Variants in C19orf25 observed in about 807,000 individuals in gnomAD.
C19orf25 encodes the protein UPF0449 protein C19orf25.
A neutral mutation model predicts 3.1 loss-of-function variants in C19orf25; 1 was observed. That is an observed-to-expected ratio of 0.32 (90% CI 0.12 to 1.54). The LOEUF is 1.54. Ranked by LOEUF, C19orf25 falls within the 40% of genes most tolerant of loss-of-function variation. C19orf25 has a pLI of 0.38. For missense variants in C19orf25, 196 were observed against 160.4 expected (o/e 1.22, Z -1.20); for synonymous variants, 91 against 74.3 (o/e 1.23, Z -1.16).
intron 1 of C19orf25, 81 bp from the exon 2 acceptor site, chr19:1,478,986 C>A (rs1477049129): frequency 2.1e-6 from 3 of 1,440,458 alleles, no homozygotes; most frequent in Non-Finnish European, 2.7e-6. Flanking sequence ...CCAGCGAACT[C>A]GTACGCACCC....
At position 1,478,919 on chromosome 19, in the gene C19orf25, A is replaced by AG; in HGVS notation, c.-2-15dup. 1 of 1,581,952 alleles carries AG rather than the reference A, an allele frequency of 6.3e-7. No homozygotes were observed. Among genetic ancestry groups the AG allele is most frequent in the South Asian group, 1.1e-5 (1 of 87,806 alleles). On this transcript the variant is annotated splice_polypyrimidine_tract_variant and intron_variant, in intron 1 of 2. Coordinates refer to ENST00000585675, the MANE Select transcript of C19orf25 (RefSeq NM_152482.3). ...TGGAGCCCATCTCTGAAGGCGGGGAAGGGGGCGCTGACCGGGGCGTCCACC... is the reference window on the plus strand; with the variant it reads ...TGGAGCCCATCTCTGAAGGCGGGGAAGGGGGGCGCTGACCGGGGCGTCCACC...
chr19:1,476,823 C>T (rs917906607), intron 2 of C19orf25, among the ~76,000 whole-genome samples: 3 of 151,950 alleles, frequency 2.0e-5, no homozygotes, highest in Non-Finnish European at 4.4e-5. Flanking sequence ...GCTATGCTGC[C>T]AAGGCTGGTC....
intron 2 of C19orf25, chr19:1,476,351 G>GC (rs371354611): frequency 1.3e-5 from 5 of 398,776 alleles, no homozygotes; most frequent in Non-Finnish European, 1.8e-5. Context: ...GGCACAGGAG[G>GC]CCCCCTACCT....
rs757349480 is a variant in C19orf25 at position 1,474,999 on chromosome 19, T to C, written c.*33A>G. ...GGGAAAGCCTGGGTGCAGGCCACCT[T>C]GTGCGCTGCCCAAGCCTGCAGGCCC... On this transcript the variant is annotated 3_prime_UTR_variant, in exon 3 of 3. Coordinates refer to ENST00000585675, the MANE Select transcript of C19orf25 (RefSeq NM_152482.3). 6.4e-7 allele frequency: 1 copy of C among 1,551,180 alleles called. No homozygotes were observed. The highest frequency in any genetic ancestry group is 8.7e-7 in the Non-Finnish European group (1 of 1,152,432).
At chr19:1,479,140 C>T (rs1246607652) in intron 1 of C19orf25, 23 bp downstream of exon 1, 60 of 1,300,486 alleles carry the variant, frequency 4.6e-5, no homozygotes, top group Non-Finnish European at 5.6e-5. Flanking sequence ...CCGCGGTCAC[C>T]CCAGTCGCCG....
Position 1,474,949 on chromosome 19 carries a change from C to G in C19orf25, c.*83G>C. 6.5e-7 allele frequency: 1 copy of G among 1,529,854 alleles called. No homozygotes were observed. The highest frequency in any genetic ancestry group is 8.8e-7 in the Non-Finnish European group (1 of 1,141,160). The allele number at this position is 1,529,854 out of a possible 1,614,324, so 94.8% of individuals were successfully genotyped here. A position where few individuals can be genotyped will look rare whatever the true frequency, so the allele number is the denominator to read the frequency against. On this transcript the variant is annotated 3_prime_UTR_variant, in exon 3 of 3. Transcript: ENST00000585675. ...CACGTGGGCTGGGACCCCGTGAATG[C>G]CAGTCTGGGGCCGACGGACCCCCAG...
rs1297076511 is a variant in C19orf25 at position 1,478,891 on chromosome 19, C to A, written c.13G>T (p.Ala5Ser). 6.3e-7 allele frequency: 1 copy of A among 1,593,652 alleles called. No individual in the cohort carries two copies. ...GTGGGCAGCAGCACGCGCTTCTTTGCCTTGGAGCCCATCTCTGAAGGCGGG... is the reference window on the plus strand; with the variant it reads ...GTGGGCAGCAGCACGCGCTTCTTTGACTTGGAGCCCATCTCTGAAGGCGGG... MGSK[A>S]KKRVLLPTRP... The change falls in exon 2 of 3, where the codon GCA (alanine) becomes TCA (serine). Residue 5 changes from alanine to serine, a missense_variant. Ala to Ser is a moderately conservative substitution (Grantham distance 99). Coordinates refer to ENST00000585675, the MANE Select transcript of C19orf25 (RefSeq NM_152482.3).
chr19:1,476,000 G>C (rs2145287527), intron 2 of C19orf25: 1 of 392,504 alleles, frequency 2.5e-6, no homozygotes, highest in Non-Finnish European at 4.5e-6. Context: ...AACCTCTCCA[G>C]GGGCCGTGCA....
At position 1,478,915 on chromosome 19, in the gene C19orf25, G is replaced by A. The variant is rs1308562635; in HGVS notation, c.-2-10C>T. ...GCCTTGGAGCCCATCTCTGAAGGCG[G>A]GGAAGGGGGCGCTGACCGGGGCGTC... On this transcript the variant is annotated splice_polypyrimidine_tract_variant and intron_variant, in intron 1 of 2. Transcript: ENST00000585675. 5 of 1,583,858 alleles carry A rather than the reference G, an allele frequency of 3.2e-6. No homozygotes were observed. Among genetic ancestry groups the A allele is most frequent in the East Asian group, 2.3e-5 (1 of 43,140 alleles).
chr19:1,478,245 A>AT (rs543535192), intron 2 of C19orf25, among the ~76,000 whole-genome samples: 8,357 of 140,348 alleles, frequency 0.06, 259 homozygotes, highest in Middle Eastern at 0.11. Context: ...ACACCCAGTA[A>AT]TTTTTTTTTT....
chr19:1,479,107 G>C (rs970397745), intron 1 of C19orf25, 56 bp downstream of exon 1: 1 of 1,339,444 alleles, frequency 7.5e-7, no homozygotes, highest in African/African-American at 1.5e-5. Flanking sequence ...TCAGGGTCTG[G>C]CTCAACCTCT....
chr19:1,478,108 G>A (rs2084224346), intron 2 of C19orf25, among the ~76,000 whole-genome samples: 1 of 152,126 alleles, frequency 6.6e-6, no homozygotes, highest in African/African-American at 2.4e-5. Context: ...CCAAAGTGCT[G>A]GGATTATAGG....
chr19:1,476,617 G>A (rs2145288705), intron 2 of C19orf25: 2 of 276,478 alleles, frequency 7.2e-6, no homozygotes, highest in South Asian at 1.7e-4. Flanking sequence ...CTTGAAATAT[G>A]TCTAAAGGGA....
intron 2 of C19orf25, among the ~76,000 whole-genome samples, chr19:1,476,929 A>G (rs921662914): frequency 7.0e-6 from 1 of 142,820 alleles, no homozygotes; most frequent in Non-Finnish European, 1.6e-5. Context: ...GAATTTTCTA[A>G]TATTACTTTT....
At position 1,478,789 on chromosome 19, in the gene C19orf25, T is replaced by A; in HGVS notation, c.115A>T (p.Ile39Phe). The A allele has an allele frequency of 6.3e-7, 1 of 1,578,730 alleles. No individual in the cohort carries two copies. The highest frequency in any genetic ancestry group is 8.6e-7 in the Non-Finnish European group (1 of 1,163,122). The stretch of plus-strand genomic sequence containing the variant: ...CTCCCCCTACCTTCCGGGGCCAGGA[T>A]GGTGAACACTGGATCCTCTGCCGGC... ...GAPAEDPVFTILAPEDPPVPF... is the reference protein window; with the variant it reads ...GAPAEDPVFTFLAPEDPPVPF... The change falls in exon 2 of 3, where the codon ATC (isoleucine) becomes TTC (phenylalanine). Residue 39 changes from isoleucine to phenylalanine, a missense_variant. Transcript: ENST00000585675.
intron 1 of C19orf25, 61 bp downstream of exon 1, chr19:1,479,102 G>A (rs2084237835): frequency 3.7e-6 from 5 of 1,357,324 alleles, no homozygotes; most frequent in Admixed American, 7.6e-5. Context: ...AGGCTTCAGG[G>A]TCTGGCTCAA....
chr19:1,479,187 GCGT>G lies in C19orf25; in HGVS notation c.-30_-28del. ...CCTGGGCGCGGGACCCGAAAGCCCAGCGTCGACGACGCAGCCACTTCCGATTCC... is the reference window on the plus strand; with the variant it reads ...CCTGGGCGCGGGACCCGAAAGCCCAGCGACGACGCAGCCACTTCCGATTCC... On this transcript the variant is annotated 5_prime_UTR_variant, in exon 1 of 3. Coordinates refer to ENST00000585675, the MANE Select transcript of C19orf25 (RefSeq NM_152482.3). 8.6e-6 allele frequency: 11 copies of G among 1,273,216 alleles called. No individual in the cohort carries two copies. Among genetic ancestry groups the G allele is most frequent in the Non-Finnish European group, 8.9e-6 (9 of 1,010,194 alleles). 78.9% of individuals were successfully genotyped at this position (1,273,216 alleles called of 1,614,324 possible). A position where few individuals can be genotyped will look rare whatever the true frequency, so the allele number is the denominator to read the frequency against.
intron 2 of C19orf25, among the ~76,000 whole-genome samples, chr19:1,477,203 T>C (rs1568193747): frequency 6.6e-6 from 1 of 152,252 alleles, no homozygotes; most frequent in East Asian, 1.9e-4. Flanking sequence ...GGTTTCACCA[T>C]GTTGGCCAGG....
intron 2 of C19orf25, chr19:1,475,587 G>C: frequency 3.5e-6 from 1 of 285,586 alleles, no homozygotes; most frequent in Non-Finnish European, 6.7e-6. Context: ...TTCTCTGGAG[G>C]CAGAGGCAGG....
Sources: allele counts gnomAD v4.1 joint callset (sites outside exome capture counted in the v4.1 genomes callset), GRCh38; gene constraint gnomAD v4.1.1; transcripts MANE v1.5; gene names NCBI Gene and HGNC (gene_info 2026-07-23, HGNC 2026-07-21).